The following LRRTM4 variants were observed in gnomAD, a reference collection of about 807,000 sequenced individuals.
LRRTM4 encodes leucine-rich repeat transmembrane neuronal protein 4.
In LRRTM4, 25 loss-of-function variants were observed where a neutral mutation model predicts 47.6. The observed-to-expected ratio is 0.53, with a 90% CI of 0.38 to 0.73. The LOEUF is 0.73. LRRTM4 is among the 30% of genes least tolerant of loss of function. The pLI, the probability that LRRTM4 is intolerant of heterozygous loss-of-function variation, is 0.00. For synonymous variants in LRRTM4, 311 were observed against 269.5 expected, an observed-to-expected ratio of 1.15 and a Z score of -1.51; for missense variants, 638 against 713.4, an observed-to-expected ratio of 0.89 and a Z score of 1.20.
chr2:76,749,022 C>T (rs990110038), intron 3 of LRRTM4, 106 bp from the exon 4 acceptor site: 1 of 793,532 alleles, frequency 1.3e-6, no homozygotes, highest in East Asian at 2.7e-5. Context: ...TGTTTCAAGT[C>T]ATCAGCTACA....
chr2:77,068,441 C>T (rs1284716467), intron 3 of LRRTM4, among the ~76,000 whole-genome samples: 1 of 152,140 alleles, frequency 6.6e-6, no homozygotes, highest in East Asian at 1.9e-4. Context: ...AACCTAGAAA[C>T]TGCTAGCATT....
intron 3 of LRRTM4, among the ~76,000 whole-genome samples, chr2:77,233,872 C>T (rs749325034): frequency 1.3e-5 from 2 of 152,070 alleles, no homozygotes; most frequent in Admixed American, 1.3e-4. Flanking sequence ...CTGCAACCTC[C>T]GCGTCCACCC....
In LRRTM4 at chr2:77,518,633, G is replaced by A. The variant is rs546452040; in HGVS notation, c.1236C>T (p.Gly412=). ...AAACATGCTCATACTCTTGCTCTGC[G>A]CCAGGAATCTGAAACCCTGGGGAAG... is the stretch of plus-strand genomic sequence containing the variant. ...PSPSPGFQIP[G]AEQEYEHVSF... The change falls in exon 3 of 4, where the codon GGC becomes GGT. Residue 412 remains glycine, a synonymous_variant. Coordinates refer to ENST00000409884, the MANE Select transcript of LRRTM4 (RefSeq NM_001134745.3). 2.2e-5 allele frequency: 36 copies of A among 1,613,390 alleles called. No homozygotes were observed. In the South Asian group the frequency reaches 3.7e-4, roughly 17 times the overall value.
intron 3 of LRRTM4, among the ~76,000 whole-genome samples, chr2:76,883,428 C>A (rs188438077): frequency 3.3e-5 from 5 of 152,202 alleles, no homozygotes; most frequent in Admixed American, 3.3e-4. Context: ...AGCACTTTCC[C>A]AGCCCCGAGC....
intron 3 of LRRTM4, among the ~76,000 whole-genome samples, chr2:76,866,593 G>A (rs946904189): frequency 6.6e-6 from 1 of 151,604 alleles, no homozygotes; most frequent in Non-Finnish European, 1.5e-5. Flanking sequence ...ATCTTTGATT[G>A]ATGTGTGATG....
chr2:77,230,868 T>C (rs1010505842), intron 3 of LRRTM4, among the ~76,000 whole-genome samples: 5 of 152,084 alleles, frequency 3.3e-5, no homozygotes, highest in African/African-American at 4.8e-5. Flanking sequence ...TAACACAAAC[T>C]ATCATTAAAA....
chr2:77,116,467 C>T (rs986329710), intron 3 of LRRTM4, among the ~76,000 whole-genome samples: 3 of 151,984 alleles, frequency 2.0e-5, no homozygotes, highest in African/African-American at 7.2e-5. Flanking sequence ...AAAATCATTG[C>T]AGTTTAAGAA....
chr2:76,768,538 A>AT (rs1028740205), intron 3 of LRRTM4, among the ~76,000 whole-genome samples: 7 of 152,040 alleles, frequency 4.6e-5, no homozygotes, highest in African/African-American at 1.2e-4. Flanking sequence ...TGGGGAAAAC[A>AT]TTTTTTTCCC....
intron 3 of LRRTM4, among the ~76,000 whole-genome samples, chr2:77,482,455 C>CACATAG (rs1371455762): frequency 1.3e-5 from 2 of 151,838 alleles, no homozygotes; most frequent in Non-Finnish European, 2.9e-5. Context: ...CACACACACA[C>CACATAG]ACACAGAGAC....
chr2:77,344,809 T>C lies in LRRTM4; in HGVS notation c.1551+173509A>G, dbSNP rs566336420. Among the ~76,000 whole-genome samples, 9 of 151,016 alleles carry C rather than the reference T, an allele frequency of 6.0e-5. No individual in the cohort carries two copies. The South Asian group carries it at 1.9e-3, about 32-fold the overall frequency. On this transcript the variant is annotated intron_variant, in intron 3 of 3. Transcript: ENST00000409884. Reference sequence around the variant, plus strand: ...GAGTAACCGGAGTTACTAACATGAGTCAGTCTCTCTGCGACCCACAGAGAC... The same window carrying C: ...GAGTAACCGGAGTTACTAACATGAGCCAGTCTCTCTGCGACCCACAGAGAC...
intron 3 of LRRTM4, among the ~76,000 whole-genome samples, chr2:76,829,363 T>C (rs1401601252): frequency 6.6e-6 from 1 of 151,946 alleles, no homozygotes; most frequent in Non-Finnish European, 1.5e-5. Flanking sequence ...ATTTGTACTC[T>C]TGTTCTAACC....
At chr2:76,883,139 T>G (rs1165601908) in intron 3 of LRRTM4, among the ~76,000 whole-genome samples, 1 of 152,090 alleles carries the variant, frequency 6.6e-6, no homozygotes, top group East Asian at 1.9e-4. Context: ...CTTCAATATG[T>G]GAAACTCATC....
At chr2:76,834,776 C>G (rs1255510970) in intron 3 of LRRTM4, among the ~76,000 whole-genome samples, 4 of 151,814 alleles carry the variant, frequency 2.6e-5, no homozygotes, top group Non-Finnish European at 5.9e-5. Flanking sequence ...AAAGATGATT[C>G]CTACATAAAA....
At chr2:77,361,429 G>A (rs145210212) in intron 3 of LRRTM4, among the ~76,000 whole-genome samples, 17 of 151,716 alleles carry the variant, frequency 1.1e-4, no homozygotes, top group East Asian at 1.9e-4. Flanking sequence ...TATTTTGATC[G>A]TCTTCATTCG....
intron 3 of LRRTM4, among the ~76,000 whole-genome samples, chr2:76,966,475 T>C (rs1329189482): frequency 6.6e-6 from 1 of 151,510 alleles, no homozygotes; most frequent in Non-Finnish European, 1.5e-5. Flanking sequence ...TATTGAATCC[T>C]TTTCAGAAAA....
intron 3 of LRRTM4, among the ~76,000 whole-genome samples, chr2:77,062,788 T>C (rs1450755455): frequency 1.3e-5 from 2 of 152,190 alleles, no homozygotes; most frequent in African/African-American, 2.4e-5. Flanking sequence ...TAATCACTTT[T>C]AAGTGTTCTG....
At chr2:76,935,435 T>G (rs1157702390) in intron 3 of LRRTM4, among the ~76,000 whole-genome samples, 1 of 152,128 alleles carries the variant, frequency 6.6e-6, no homozygotes, top group Non-Finnish European at 1.5e-5. Flanking sequence ...TATAAATTAC[T>G]TTGGGCAGTA....
intron 3 of LRRTM4, among the ~76,000 whole-genome samples, chr2:76,796,241 G>C (rs1340587746): frequency 1.3e-5 from 1 of 74,870 alleles, no homozygotes; most frequent in Non-Finnish European, 2.3e-5. Flanking sequence ...GGCTGGGGGA[G>C]GGGTGCCCGC....
intron 3 of LRRTM4, among the ~76,000 whole-genome samples, chr2:77,173,526 CAGAT>C (rs1385413789): frequency 1.3e-5 from 2 of 152,130 alleles, no homozygotes; most frequent in African/African-American, 2.4e-5. Context: ...GGGTGGTTGA[CAGAT>C]AGGGTGATTT....
Sources: gnomAD v4.1 joint callset for allele counts (sites outside exome capture counted in the v4.1 genomes callset) on GRCh38, gnomAD v4.1.1 for gene constraint, MANE v1.5 for transcripts, NCBI Gene and HGNC (gene_info 2026-07-23, HGNC 2026-07-21) for gene names.